The following SGCG variants were observed in gnomAD, a reference collection of about 807,000 sequenced individuals.
The protein encoded by SGCG is gamma-sarcoglycan.
SGCG carries 26 observed loss-of-function variants against 29.3 expected under a neutral mutation model. That is an observed-to-expected ratio of 0.89 (90% CI 0.65 to 1.23). The LOEUF (loss-of-function observed/expected upper bound fraction) is 1.23. SGCG is among the 50% of genes most tolerant of loss of function. SGCG has a pLI of 0.00. For synonymous variants in SGCG, 145 were observed against 129.7 expected (o/e 1.12, Z -0.80); for missense variants, 353 against 356.0 (o/e 0.99, Z 0.07).
At chr13:23,288,555 C>G (rs965761954) in intron 5 of SGCG, among the ~76,000 whole-genome samples, 7 of 152,106 alleles carry the variant, frequency 4.6e-5, no homozygotes, top group African/African-American at 2.4e-5. Flanking sequence ...AGTTTTTAAG[C>G]GAAATTTATG....
intron 4 of SGCG, among the ~76,000 whole-genome samples, chr13:23,256,940 T>C (rs1880207004): frequency 6.6e-6 from 1 of 152,294 alleles, no homozygotes; most frequent in African/African-American, 2.4e-5. Flanking sequence ...TCTAGATCCC[T>C]GAGGAATCGC....
chr13:23,294,197 G>A (rs4769256), intron 5 of SGCG, among the ~76,000 whole-genome samples: 13,791 of 152,226 alleles, frequency 0.091, 689 homozygotes, highest in South Asian at 0.13. Context: ...CTGAGCCAGA[G>A]GTGGGACCCT....
intron 6 of SGCG, among the ~76,000 whole-genome samples, chr13:23,299,668 G>T (rs1372686686): frequency 2.6e-5 from 4 of 150,966 alleles, no homozygotes; most frequent in African/African-American, 7.3e-5. Flanking sequence ...TAGCCAGGAT[G>T]GTCTTGACCT....
At chr13:23,308,211 G>A (rs995489112) in intron 6 of SGCG, among the ~76,000 whole-genome samples, 6 of 152,190 alleles carry the variant, frequency 3.9e-5, no homozygotes, top group African/African-American at 1.4e-4. Flanking sequence ...GGGCACTAAG[G>A]AGGGAATGAG....
chr13:23,189,889 T>C (rs1174117394), intron 1 of SGCG, among the ~76,000 whole-genome samples: 1 of 152,184 alleles, frequency 6.6e-6, no homozygotes, highest in African/African-American at 2.4e-5. Context: ...TGCCCGCTCC[T>C]TCAGGCTCAG....
intron 5 of SGCG, among the ~76,000 whole-genome samples, chr13:23,285,723 C>A (rs939411727): frequency 2.0e-5 from 3 of 152,182 alleles, no homozygotes; most frequent in Non-Finnish European, 4.4e-5. Flanking sequence ...GCTTGAAATC[C>A]AGGGCCCTGG....
rs112800527 is a variant in SGCG, at chr13:23,304,175, C to G, written c.578+8688C>G. On this transcript the variant is annotated intron_variant, in intron 6 of 7. Coordinates refer to ENST00000218867, the MANE Select transcript of SGCG (RefSeq NM_000231.3). Reference sequence around the variant, plus strand: ...TGATATATGTTTTAAATAATTTTTCCCAGCTTCAGTTGGTTTTTGACTTAT... The same window carrying G: ...TGATATATGTTTTAAATAATTTTTCGCAGCTTCAGTTGGTTTTTGACTTAT... Among the ~76,000 whole-genome samples the G allele has an allele frequency of 4.7e-3, 712 of 152,056 alleles. 8 individuals are homozygous for G. Among genetic ancestry groups the G allele is most frequent in the African/African-American group, 0.016 (659 of 41,464 alleles).
rs558898102 is a variant in SGCG at position 23,240,891 on chromosome 13, C to T, written c.297+6179C>T. Among the ~76,000 whole-genome samples, 121 of 152,164 alleles carry T rather than the reference C, an allele frequency of 8.0e-4. 1 individual carries two copies. Among genetic ancestry groups the T allele is most frequent in the Non-Finnish European group, 1.3e-3 (87 of 67,996 alleles). ...AAAATTGGCCGGGTGCGGTGGCTCA[C>T]GCCTGTAATCCCAGCACTTTGGGAG... On this transcript the variant is annotated intron_variant, in intron 3 of 7. Transcript: ENST00000218867.
chr13:23,177,739 T>G (rs1031859771), upstream of SGCG, among the ~76,000 whole-genome samples: 1 of 12,764 alleles, frequency 7.8e-5, no homozygotes, highest in African/African-American at 3.3e-4. Flanking sequence ...GTCCGGCTAT[T>G]TTTTTTTTTC....
intron 4 of SGCG, among the ~76,000 whole-genome samples, chr13:23,253,257 T>C (rs1880048677): frequency 6.6e-6 from 1 of 152,098 alleles, no homozygotes; most frequent in Admixed American, 6.6e-5. Flanking sequence ...AAAATAAAAA[T>C]AAAATAAGTT....
chr13:23,237,909 G>C (rs1461254251), intron 3 of SGCG, among the ~76,000 whole-genome samples: 1 of 151,592 alleles, frequency 6.6e-6, no homozygotes, highest in Non-Finnish European at 1.5e-5. Context: ...TTCTCAAAGA[G>C]ATAAAGCTAT....
chr13:23,306,593 C>G (rs1428812485), intron 6 of SGCG, among the ~76,000 whole-genome samples: 1 of 152,172 alleles, frequency 6.6e-6, no homozygotes, highest in Non-Finnish European at 1.5e-5. Flanking sequence ...CTGAAGTGAT[C>G]TAACACTGTT....
At position 23,324,368 on chromosome 13, in the gene SGCG, C is replaced by T. The variant is rs763780768; in HGVS notation, c.703C>T (p.Leu235Phe). Reference sequence around the variant, plus strand: ...TCGTCTCTCATCTTCTCCCAACCAGCTTGTGCTTGATGCTGAAACTGTGTG... The same window carrying T: ...TCGTCTCTCATCTTCTCCCAACCAGTTTGTGCTTGATGCTGAAACTGTGTG... ...DILFHSSDGM[L>F]VLDAETVCLP... The change falls in exon 8 of 8, where the codon CTT (leucine) becomes TTT (phenylalanine). Residue 235 changes from leucine (L) to phenylalanine (F), a missense_variant and splice_region_variant. Coordinates refer to ENST00000218867, the MANE Select transcript of SGCG (RefSeq NM_000231.3). The T allele has an allele frequency of 1.4e-5, 23 of 1,614,184 alleles. No homozygotes were observed. The highest frequency in any genetic ancestry group is 1.3e-4 in the East Asian group (6 of 44,884).
At chr13:23,301,891 C>CA (rs869193118) in intron 6 of SGCG, among the ~76,000 whole-genome samples, 202 of 57,938 alleles carry the variant, frequency 3.5e-3, no homozygotes, top group African/African-American at 7.0e-3. Context: ...GACTCCATCT[C>CA]AAAAAAAAAA....
chr13:23,204,355 C>G (rs1320102991), intron 2 of SGCG, among the ~76,000 whole-genome samples: 3 of 152,162 alleles, frequency 2.0e-5, no homozygotes, highest in Non-Finnish European at 4.4e-5. Flanking sequence ...GTAAAAACAT[C>G]AATCCTGAGG....
the SGCG span, among the ~76,000 whole-genome samples, chr13:23,169,682 TC>T: frequency 6.9e-6 from 1 of 145,432 alleles, no homozygotes; most frequent in Non-Finnish European, 1.5e-5. Flanking sequence ...CATCTCTCTC[TC>T]TCTCTCTCTC....
intron 1 of SGCG, among the ~76,000 whole-genome samples, chr13:23,183,975 T>C (rs1876859840): frequency 6.6e-6 from 1 of 152,216 alleles, no homozygotes; most frequent in South Asian, 2.1e-4. Context: ...CTACATAAAA[T>C]ACTCTAAAAT....
At chr13:23,209,688 T>C (rs1372082413) in intron 2 of SGCG, among the ~76,000 whole-genome samples, 1 of 152,204 alleles carries the variant, frequency 6.6e-6, no homozygotes, top group Non-Finnish European at 1.5e-5. Context: ...AAATAGGCTT[T>C]GTGTTTGATG....
chr13:23,312,948 T>C (rs1278718113), intron 6 of SGCG, among the ~76,000 whole-genome samples: 3 of 152,144 alleles, frequency 2.0e-5, no homozygotes, highest in Non-Finnish European at 2.9e-5. Flanking sequence ...TTTTTGAAAA[T>C]TGGAAATTTT....
Sources: allele counts gnomAD v4.1 joint callset (sites outside exome capture counted in the v4.1 genomes callset), GRCh38; gene constraint gnomAD v4.1.1; transcripts MANE v1.5; gene names NCBI Gene and HGNC (gene_info 2026-07-23, HGNC 2026-07-21).